RTF2: variants seen among roughly 807,000 people sequenced by gnomAD.
RTF2 encodes the protein replication termination factor 2.
In RTF2, 18 loss-of-function variants were observed where a neutral mutation model predicts 38.0. The observed-to-expected ratio is 0.47, with a 90% CI of 0.33 to 0.70. The LOEUF (loss-of-function observed/expected upper bound fraction) is 0.70. Among genes scored for constraint, RTF2 ranks in the 30% least tolerant of loss-of-function variants. The pLI, the probability that RTF2 is intolerant of heterozygous loss-of-function variation, is 0.02. For synonymous variants in RTF2, 126 were observed against 137.1 expected (o/e 0.92, Z 0.57); for missense variants, 311 against 379.6 (o/e 0.82, Z 1.50).
chr20:56,510,313 G>A (rs1334370703), intron 5 of RTF2, among the ~76,000 whole-genome samples: 1 of 152,154 alleles, frequency 6.6e-6, no homozygotes, highest in Non-Finnish European at 1.5e-5. Flanking sequence ...GTTCCTTTTA[G>A]AGCCGGCTCT....
intron 6 of RTF2, chr20:56,513,778 G>T (rs1984847224): frequency 8.5e-6 from 2 of 236,636 alleles, no homozygotes; most frequent in Non-Finnish European, 1.7e-5. Flanking sequence ...CACCACCGTT[G>T]CTGCTGCTGT....
chr20:56,468,652 G>T lies in RTF2; in HGVS notation c.-46G>T. 6.5e-7 allele frequency: 1 copy of T among 1,526,924 alleles called. No homozygotes were observed. Among genetic ancestry groups the T allele is most frequent in the Non-Finnish European group, 8.9e-7 (1 of 1,124,944 alleles). 94.6% of individuals were successfully genotyped at this position (1,526,924 alleles called of 1,614,324 possible). On this transcript the variant is annotated 5_prime_UTR_variant, in exon 1 of 9. Coordinates refer to ENST00000357348, the MANE Select transcript of RTF2 (RefSeq NM_016407.5). Reference sequence around the variant, plus strand: ...GCGGATTTCGCCGGAAATCCCGGAAGTGACAGCTTTGGGGGTTTGCTGCTG... The same window carrying T: ...GCGGATTTCGCCGGAAATCCCGGAATTGACAGCTTTGGGGGTTTGCTGCTG...
Position 56,516,953 on chromosome 20 carries a change from G to A in RTF2, c.610G>A (p.Ala204Thr), listed in dbSNP as rs2146385079. 6.2e-7 allele frequency: 1 copy of A among 1,614,118 alleles called. No homozygotes were observed. The highest frequency in any genetic ancestry group is 8.5e-7 in the Non-Finnish European group (1 of 1,179,968). ...TTTGTAGAAAACAAAGAAACCCAAG[G>A]CAGCAGAGTCTGTTTCAAAACCAGA... ...KLEKKTKKPK[A>T]AESVSKPDVS... Residue 204 changes from alanine to threonine, a missense_variant, in exon 7 of 9, where the codon GCA (alanine) becomes ACA (threonine). Physicochemically the swap from Ala to Thr is moderately conservative, Grantham distance 58. Coordinates refer to ENST00000357348, the MANE Select transcript of RTF2 (RefSeq NM_016407.5).
At chr20:56,515,949 TC>T (rs1489499201) in intron 6 of RTF2, 2 of 152,248 alleles carry the variant, frequency 1.3e-5, no homozygotes, top group Non-Finnish European at 2.9e-5. Context: ...TCTAACTCCT[TC>T]TTGCCTGTGC....
chr20:56,494,654 T>A (rs1568700899), intron 5 of RTF2, among the ~76,000 whole-genome samples: 1 of 152,258 alleles, frequency 6.6e-6, no homozygotes, highest in African/African-American at 2.4e-5. Context: ...TCTAACCTGG[T>A]CCCTCTGCTT....
At chr20:56,470,392 A>G (rs1981895777) in intron 1 of RTF2, among the ~76,000 whole-genome samples, 1 of 152,210 alleles carries the variant, frequency 6.6e-6, no homozygotes, top group Non-Finnish European at 1.5e-5. Context: ...TTTTATTATA[A>G]CTATTCACAC....
At chr20:56,506,607 C>A (rs1276198994) in intron 5 of RTF2, among the ~76,000 whole-genome samples, 2 of 152,138 alleles carry the variant, frequency 1.3e-5, no homozygotes, top group African/African-American at 2.4e-5. Flanking sequence ...TATAAATATA[C>A]AATTACTAGT....
Position 56,477,137 on chromosome 20 carries a change from C to T in RTF2, c.398+13C>T, listed in dbSNP as rs1430651336. Reference sequence around the variant, plus strand: ...ACGGCCGACACAGGTTAGTGACGGACCTGGGACAGATGATGTGGGAGGCTG... The same window carrying T: ...ACGGCCGACACAGGTTAGTGACGGATCTGGGACAGATGATGTGGGAGGCTG... On this transcript the variant is annotated intron_variant, in intron 4 of 8. Transcript: ENST00000357348. The T allele has an allele frequency of 1.2e-6, 2 of 1,611,966 alleles. No homozygotes were observed. The highest frequency in any genetic ancestry group is 2.7e-5 in the African/African-American group (2 of 74,736).
chr20:56,496,613 C>A, intron 5 of RTF2: 1 of 1,467,194 alleles, frequency 6.8e-7, no homozygotes, highest in Non-Finnish European at 9.0e-7. Flanking sequence ...ACTGCACAGG[C>A]ATCCATATCG....
rs6014748 is a variant in RTF2 at position 56,485,559 on chromosome 20, A to C, written c.477+1370A>C. ...GAGGACTGGGTGGCTCCCGTTACCT[A>C]GGCCCGGAGGCAGGCAGAGGTGAGT... On this transcript the variant is annotated intron_variant, in intron 5 of 8. Transcript: ENST00000357348. Among the ~76,000 whole-genome samples the C allele has an allele frequency of 3.8e-3, 578 of 152,280 alleles. 4 individuals carry two copies. The highest frequency in any genetic ancestry group is 0.013 in the African/African-American group (541 of 41,552).
At chr20:56,496,962 T>G in intron 5 of RTF2, 1 of 1,551,756 alleles carries the variant, frequency 6.4e-7, no homozygotes, top group African/African-American at 1.4e-5. Flanking sequence ...GTGTATGATT[T>G]CTCTGTTGGT....
chr20:56,510,667 T>C (rs1341586039), intron 5 of RTF2, among the ~76,000 whole-genome samples: 2 of 152,228 alleles, frequency 1.3e-5, no homozygotes, highest in Non-Finnish European at 2.9e-5. Flanking sequence ...AGGCTAGGCA[T>C]GGTGGCTCAC....
intron 5 of RTF2, among the ~76,000 whole-genome samples, chr20:56,502,345 C>G (rs764142141): frequency 6.6e-6 from 1 of 152,194 alleles, no homozygotes; most frequent in African/African-American, 2.4e-5. Context: ...CTAATTAGAG[C>G]CAGTGCCTGT....
At position 56,484,126 on chromosome 20, in the gene RTF2, G is replaced by A. The variant is rs772053661; in HGVS notation, c.414G>A (p.Arg138=). The change falls in exon 5 of 9, where the codon CGG becomes CGA. Residue 138 remains arginine, a synonymous_variant. Transcript: ENST00000357348. ...MNGRHRFCFL[R]CCGCVFSERA... The stretch of plus-strand genomic sequence containing the variant: ...ATTTCTCCAGGTTCTGCTTCCTTCG[G>A]TGCTGCGGCTGTGTGTTTTCTGAGC... The A allele has an allele frequency of 1.9e-6, 3 of 1,614,058 alleles. No homozygotes were observed. The highest frequency in any genetic ancestry group is 2.5e-6 in the Non-Finnish European group (3 of 1,179,992).
At chr20:56,485,028 A>C (rs1407677905) in intron 5 of RTF2, among the ~76,000 whole-genome samples, 1 of 152,120 alleles carries the variant, frequency 6.6e-6, no homozygotes, top group African/African-American at 2.4e-5. Flanking sequence ...GGGAAAGCAT[A>C]CTGAATAAGA....
chr20:56,509,103 C>T (rs1462153439), intron 5 of RTF2, among the ~76,000 whole-genome samples: 1 of 152,098 alleles, frequency 6.6e-6, no homozygotes, highest in Non-Finnish European at 1.5e-5. Flanking sequence ...GAACTTATAT[C>T]CAGAATATGC....
At chr20:56,503,653 C>T (rs1984069910) in intron 5 of RTF2, among the ~76,000 whole-genome samples, 1 of 152,088 alleles carries the variant, frequency 6.6e-6, no homozygotes, top group South Asian at 2.1e-4. Context: ...CAAAGAAAAA[C>T]ATAATTTACT....
At chr20:56,512,319 C>G (rs1180235494) in intron 5 of RTF2, among the ~76,000 whole-genome samples, 1 of 152,178 alleles carries the variant, frequency 6.6e-6, no homozygotes, top group Non-Finnish European at 1.5e-5. Flanking sequence ...GCCGTGAGCA[C>G]CTCTGCTGTG....
chr20:56,471,763 C>G (rs1318344838), intron 1 of RTF2: 1 of 152,326 alleles, frequency 6.6e-6, no homozygotes, highest in East Asian at 1.9e-4. Flanking sequence ...CCCCAACTCT[C>G]TGAGGTGCTT....
Sources: allele counts gnomAD v4.1 joint callset (sites outside exome capture counted in the v4.1 genomes callset), GRCh38; gene constraint gnomAD v4.1.1; transcripts MANE v1.5; gene names NCBI Gene and HGNC (gene_info 2026-07-23, HGNC 2026-07-21).